The following FSTL5 variants were observed in gnomAD, a reference collection of about 807,000 sequenced individuals.
FSTL5 encodes follistatin like 5, also known as follistatin-related protein 5.
FSTL5 carries 62 observed loss-of-function variants against 89.1 expected under a neutral mutation model. That is an observed-to-expected ratio of 0.70 (90% confidence interval 0.57 to 0.86). The LOEUF is 0.86. Ranked by LOEUF, FSTL5 falls within the 40% of genes least tolerant of loss-of-function variation. FSTL5 has a pLI of 0.00. For missense variants in FSTL5, 1,057 were observed against 1,001.6 expected (o/e 1.06, Z -0.75); for synonymous variants, 383 against 346.2 (o/e 1.11, Z -1.18).
chr4:161,879,740 T>A (rs1732564832), intron 4 of FSTL5, among the ~76,000 whole-genome samples: 1 of 152,186 alleles, frequency 6.6e-6, no homozygotes, highest in South Asian at 2.1e-4. Context: ...TGCTCCAGTG[T>A]CATCTTATGT....
chr4:161,893,325 A>C (rs948012321), intron 4 of FSTL5, among the ~76,000 whole-genome samples: 1 of 152,168 alleles, frequency 6.6e-6, no homozygotes, highest in Admixed American at 6.5e-5. Context: ...TAAATTTAAG[A>C]CAGATAATGG....
At chr4:161,679,174 G>T (rs905663474) in intron 6 of FSTL5, among the ~76,000 whole-genome samples, 2 of 151,530 alleles carry the variant, frequency 1.3e-5, no homozygotes, top group Non-Finnish European at 3.0e-5. Context: ...AAACTTATAG[G>T]ATAAAACTTA....
intron 1 of FSTL5, among the ~76,000 whole-genome samples, chr4:162,130,889 TA>T (rs1236088522): frequency 6.6e-6 from 1 of 152,110 alleles, no homozygotes; most frequent in East Asian, 1.9e-4. Context: ...ACTTTATCAA[TA>T]TTTTTATAAT....
intron 4 of FSTL5, among the ~76,000 whole-genome samples, chr4:161,844,788 CG>C (rs1731315435): frequency 1.3e-5 from 2 of 151,624 alleles, no homozygotes; most frequent in Non-Finnish European, 2.9e-5. Flanking sequence ...TGGGGCCTGT[CG>C]GGGGCTTGGG....
chr4:161,999,216 T>C (rs1381803838), intron 3 of FSTL5, among the ~76,000 whole-genome samples: 1 of 152,210 alleles, frequency 6.6e-6, no homozygotes, highest in Admixed American at 6.5e-5. Context: ...GGAAATATTA[T>C]ATGCTGCTAT....
intron 6 of FSTL5, among the ~76,000 whole-genome samples, chr4:161,702,707 T>G (rs1204872217): frequency 6.6e-6 from 1 of 152,160 alleles, no homozygotes; most frequent in African/African-American, 2.4e-5. Flanking sequence ...GTCCCCCAGA[T>G]GCACTTTAGT....
intron 3 of FSTL5, among the ~76,000 whole-genome samples, chr4:161,932,197 A>T (rs902323369): frequency 2.6e-5 from 4 of 152,028 alleles, no homozygotes; most frequent in African/African-American, 4.8e-5. Context: ...TAGTATATTA[A>T]TGTCACTTAC....
intron 4 of FSTL5, among the ~76,000 whole-genome samples, chr4:161,857,133 G>A (rs964627115): frequency 6.6e-6 from 1 of 152,134 alleles, no homozygotes; most frequent in Non-Finnish European, 1.5e-5. Context: ...CAAGGTCATT[G>A]TGATGGTAAA....
At chr4:161,434,137 A>C (rs559044280) in intron 15 of FSTL5, among the ~76,000 whole-genome samples, 1 of 152,302 alleles carries the variant, frequency 6.6e-6, no homozygotes, top group East Asian at 1.9e-4. Context: ...GAGTCACATT[A>C]ACTGGCTTCA....
chr4:162,017,803 C>T (rs577302866), intron 3 of FSTL5, among the ~76,000 whole-genome samples: 1 of 152,150 alleles, frequency 6.6e-6, no homozygotes, highest in African/African-American at 2.4e-5. Context: ...TTTTATCTCA[C>T]GTAAGTCATG....
chr4:161,675,443 A>G (rs1737269383), intron 6 of FSTL5, among the ~76,000 whole-genome samples: 2 of 151,464 alleles, frequency 1.3e-5, no homozygotes, highest in Admixed American at 1.3e-4. Flanking sequence ...TATATAACTC[A>G]TATATTAAGT....
At chr4:161,408,658 T>G (rs1313052033) in intron 15 of FSTL5, among the ~76,000 whole-genome samples, 1 of 152,194 alleles carries the variant, frequency 6.6e-6, no homozygotes, top group Non-Finnish European at 1.5e-5. Context: ...GTTAAAACTC[T>G]GTCCAAGGAA....
intron 7 of FSTL5, among the ~76,000 whole-genome samples, chr4:161,592,098 G>A (rs1733841924): frequency 6.6e-6 from 1 of 152,052 alleles, no homozygotes; most frequent in Non-Finnish European, 1.5e-5. Flanking sequence ...GAAGAAAAAA[G>A]GCTGGAAGTG....
At position 161,714,843 on chromosome 4, in the gene FSTL5, G is replaced by A. The variant is rs577410518; in HGVS notation, c.727+44568C>T. Among the ~76,000 whole-genome samples the A allele has an allele frequency of 2.0e-5, 3 of 152,178 alleles. No individual in the cohort carries two copies. The East Asian group carries it at 5.8e-4, about 29-fold the overall frequency. ...ATTAATTGAGATTTTTTTCATAAAA[G>A]CCTGGGGTTATTTTCTCTATCCTAT... On this transcript the variant is annotated intron_variant, in intron 6 of 15. Transcript: ENST00000306100.
intron 15 of FSTL5, among the ~76,000 whole-genome samples, chr4:161,440,073 G>T (rs576803055): frequency 6.6e-6 from 1 of 152,202 alleles, no homozygotes; most frequent in Non-Finnish European, 1.5e-5. Context: ...TCGTAGAGAA[G>T]AATAAGGTGA....
chr4:161,471,974 T>A lies in FSTL5; in HGVS notation c.1608+9046A>T, dbSNP rs923986228. Among the ~76,000 whole-genome samples, 6 of 124,654 alleles carry A rather than the reference T, an allele frequency of 4.8e-5. No individual in the cohort carries two copies. The East Asian group carries it at 1.5e-3, about 32-fold the overall frequency. 81.8% of individuals were successfully genotyped at this position (124,654 alleles called of 152,430 possible). ...TCTAGCTAATAGCTTGTCAATTTTC[T>A]TGATCTTTTTTTTTTTTTTTGAGAC... On this transcript the variant is annotated intron_variant, in intron 13 of 15. Coordinates refer to ENST00000306100, the MANE Select transcript of FSTL5 (RefSeq NM_020116.5).
chr4:161,958,397 A>G (rs1735081985), intron 3 of FSTL5, among the ~76,000 whole-genome samples: 1 of 152,158 alleles, frequency 6.6e-6, no homozygotes, highest in Non-Finnish European at 1.5e-5. Context: ...TTGATTTGAT[A>G]GAATGAATTG....
At chr4:161,566,762 A>G (rs1217233963) in intron 8 of FSTL5, among the ~76,000 whole-genome samples, 1 of 152,102 alleles carries the variant, frequency 6.6e-6, no homozygotes, top group African/African-American at 2.4e-5. Context: ...GCAAAAATCA[A>G]GGAAATGAAT....
intron 4 of FSTL5, among the ~76,000 whole-genome samples, chr4:161,821,175 C>A (rs975180496): frequency 2.6e-5 from 4 of 151,954 alleles, no homozygotes; most frequent in African/African-American, 9.7e-5. Context: ...GTAGCTGGGA[C>A]TGCAGGCACA....
Sources: gnomAD v4.1 joint callset for allele counts (sites outside exome capture counted in the v4.1 genomes callset) on GRCh38, gnomAD v4.1.1 for gene constraint, MANE v1.5 for transcripts, NCBI Gene and HGNC (gene_info 2026-07-23, HGNC 2026-07-21) for gene names.